The following DGKB variants were observed in gnomAD, a reference collection of about 807,000 sequenced individuals.
DGKB encodes 90 kDa diacylglycerol kinase.
DGKB carries 67 observed loss-of-function variants against 114.3 expected under a neutral mutation model. The observed-to-expected ratio is 0.59, with a 90% CI of 0.48 to 0.72. DGKB has a LOEUF of 0.72. Ranked by LOEUF, DGKB falls within the 30% of genes least tolerant of loss-of-function variation. DGKB has a pLI of 0.00. For synonymous variants in DGKB, 398 were observed against 323.1 expected (o/e 1.23, Z -2.49); for missense variants, 907 against 975.2 (o/e 0.93, Z 0.93).
chr7:14,406,828 T>C (rs1824012705), intron 21 of DGKB, among the ~76,000 whole-genome samples: 2 of 152,148 alleles, frequency 1.3e-5, no homozygotes, highest in African/African-American at 2.4e-5. Flanking sequence ...TTTTCTCAAG[T>C]GCTATTGCTA....
At chr7:14,660,742 C>T (rs559667432) in intron 13 of DGKB, among the ~76,000 whole-genome samples, 1 of 151,982 alleles carries the variant, frequency 6.6e-6, no homozygotes, top group East Asian at 1.9e-4. Context: ...GCCCGCATCG[C>T]CAAGTCAATC....
intron 17 of DGKB, among the ~76,000 whole-genome samples, chr7:14,591,039 C>T (rs1801624275): frequency 6.6e-6 from 1 of 152,028 alleles, no homozygotes; most frequent in South Asian, 2.1e-4. Context: ...ACACAAGGTA[C>T]AGAGGAAAAC....
At chr7:14,578,038 T>G (rs960608483) in intron 19 of DGKB, among the ~76,000 whole-genome samples, 1 of 152,164 alleles carries the variant, frequency 6.6e-6, no homozygotes, top group Non-Finnish European at 1.5e-5. Flanking sequence ...AGGGACCTGG[T>G]GGGAGGTGAT....
At chr7:14,656,736 T>C (rs989188394) in intron 13 of DGKB, among the ~76,000 whole-genome samples, 6 of 103,096 alleles carry the variant, frequency 5.8e-5, no homozygotes, top group East Asian at 2.5e-4. Context: ...ATATATACAG[T>C]ATATATATAG....
intron 1 of DGKB, among the ~76,000 whole-genome samples, chr7:14,899,748 G>A (rs996345391): frequency 2.6e-5 from 4 of 152,072 alleles, no homozygotes; most frequent in Non-Finnish European, 5.9e-5. Flanking sequence ...AGTTTAGGTG[G>A]ATCCAATTTT....
At chr7:14,585,217 C>T (rs114345990) in intron 17 of DGKB, among the ~76,000 whole-genome samples, 195 of 152,074 alleles carry the variant, frequency 1.3e-3, no homozygotes, top group African/African-American at 4.6e-3. Context: ...ATATTTTATT[C>T]GGTTCTAATA....
Position 14,457,908 on chromosome 7 carries a change from G to T in DGKB, c.1835+20253C>A, listed in dbSNP as rs187444454. ...TGTAAAAAATCTAAGTCCCGGCAAC[G>T]CAACACAAATCAAAACAATGACTTT... is the stretch of plus-strand genomic sequence containing the variant. On this transcript the variant is annotated intron_variant, in intron 21 of 25. Coordinates refer to ENST00000402815, the MANE Select transcript of DGKB (RefSeq NM_001350709.2). Among the ~76,000 whole-genome samples the T allele has an allele frequency of 2.3e-3, 346 of 152,276 alleles. 1 individual carries two copies. Among genetic ancestry groups the T allele is most frequent in the Non-Finnish European group, 3.6e-3 (244 of 68,012 alleles).
intron 9 of DGKB, among the ~76,000 whole-genome samples, chr7:14,687,118 G>A (rs1018528425): frequency 5.9e-5 from 9 of 152,126 alleles, no homozygotes; most frequent in African/African-American, 1.4e-4. Flanking sequence ...CCACTCTGTC[G>A]TTCCCATGAG....
chr7:14,935,031 C>T (rs1785205603), intron 1 of DGKB, among the ~76,000 whole-genome samples: 1 of 152,170 alleles, frequency 6.6e-6, no homozygotes, highest in African/African-American at 2.4e-5. Flanking sequence ...TTGAGTATTA[C>T]TGTACAGGAA....
chr7:14,662,856 TTC>T (rs1441851106), intron 13 of DGKB, among the ~76,000 whole-genome samples: 1 of 151,940 alleles, frequency 6.6e-6, no homozygotes, highest in Non-Finnish European at 1.5e-5. Context: ...AATGTTTAAA[TTC>T]TTTTTCTTTA....
At chr7:14,643,141 T>C (rs919362754) in intron 13 of DGKB, among the ~76,000 whole-genome samples, 16 of 152,120 alleles carry the variant, frequency 1.1e-4, no homozygotes, top group Non-Finnish European at 2.4e-4. Context: ...AAACTCCTGA[T>C]GGCACAATAA....
At chr7:14,731,952 G>A (rs1228373234) in intron 5 of DGKB, among the ~76,000 whole-genome samples, 3 of 151,996 alleles carry the variant, frequency 2.0e-5, no homozygotes, top group Non-Finnish European at 4.4e-5. Flanking sequence ...TTTTTAAATA[G>A]GTGATAAGAG....
At chr7:14,187,438 C>T (rs1783608537) in intron 23 of DGKB, among the ~76,000 whole-genome samples, 1 of 152,204 alleles carries the variant, frequency 6.6e-6, no homozygotes, top group Admixed American at 6.5e-5. Flanking sequence ...GGCACCATTG[C>T]TCTCATGCTT....
intron 2 of DGKB, among the ~76,000 whole-genome samples, chr7:14,818,418 G>T (rs926996069): frequency 1.3e-5 from 2 of 152,086 alleles, no homozygotes; most frequent in African/African-American, 4.8e-5. Flanking sequence ...AACATAAAGG[G>T]TGAGTGATAA....
rs190509961 is a variant in DGKB at position 14,781,811 on chromosome 7, T to C, written c.71-24080A>G. ...CCTAAGATAATATATTTCACAAGTT[T>C]ATATCCTTACAATCCTTTTGAATAA... On this transcript the variant is annotated intron_variant, in intron 2 of 25. Coordinates refer to ENST00000402815, the MANE Select transcript of DGKB (RefSeq NM_001350709.2). Among the ~76,000 whole-genome samples, 660 of 152,298 alleles carry C rather than the reference T, an allele frequency of 4.3e-3. 7 individuals are homozygous for C. The highest frequency in any genetic ancestry group is 0.015 in the African/African-American group (617 of 41,548).
At chr7:14,508,990 A>C (rs1450372569) in intron 20 of DGKB, among the ~76,000 whole-genome samples, 2 of 152,188 alleles carry the variant, frequency 1.3e-5, no homozygotes, top group Non-Finnish European at 2.9e-5. Context: ...GAAGAAAACA[A>C]TTTGCCCTTT....
At chr7:14,192,036 A>G (rs775539024) in intron 23 of DGKB, 2 of 476,116 alleles carry the variant, frequency 4.2e-6, no homozygotes, top group Non-Finnish European at 4.0e-6. Flanking sequence ...TCATTTTGCT[A>G]TTTGTTCTAT....
At chr7:14,208,591 G>C (rs1787219502) in intron 23 of DGKB, among the ~76,000 whole-genome samples, 1 of 151,748 alleles carries the variant, frequency 6.6e-6, no homozygotes, top group South Asian at 2.1e-4. Context: ...CTTTATGTTT[G>C]TGTGTACACA....
intron 2 of DGKB, among the ~76,000 whole-genome samples, chr7:14,768,162 C>A (rs906761852): frequency 6.6e-6 from 1 of 151,874 alleles, no homozygotes; most frequent in Non-Finnish European, 1.5e-5. Context: ...GTTCCCAAAT[C>A]TTACATTGAG....
Sources: gnomAD v4.1 joint callset for allele counts (sites outside exome capture counted in the v4.1 genomes callset) on GRCh38, gnomAD v4.1.1 for gene constraint, MANE v1.5 for transcripts, NCBI Gene and HGNC (gene_info 2026-07-23, HGNC 2026-07-21) for gene names.